NT5C1B: variants seen among roughly 807,000 people sequenced by gnomAD.
NT5C1B encodes the protein cytosolic 5'-nucleotidase 1B.
A neutral mutation model predicts 57.8 loss-of-function variants in NT5C1B; 44 were observed. The observed-to-expected ratio is 0.76, with a 90% confidence interval of 0.60 to 0.98. The LOEUF (loss-of-function observed/expected upper bound fraction) is 0.98. Ranked by LOEUF, NT5C1B falls within the 50% of genes least tolerant of loss-of-function variation. The probability of loss-of-function intolerance (pLI) is 0.00; values close to 1 mark genes in which losing one functional copy is unlikely to be tolerated. For synonymous variants in NT5C1B, 284 were observed against 282.6 expected (o/e 1.00, Z -0.05); for missense variants, 742 against 719.5 (o/e 1.03, Z -0.36).
At position 18,584,658 on chromosome 2, in the gene NT5C1B, G is replaced by GT; in HGVS notation, c.578dup (p.Tyr193Ter). The GT allele has an allele frequency of 1.2e-6, 2 of 1,613,158 alleles. No individual in the cohort carries two copies. The highest frequency in any genetic ancestry group is 1.7e-6 in the Non-Finnish European group (2 of 1,179,608). Residue 193 changes from tyrosine (Y) to a stop codon, truncating the protein, a stop_gained and frameshift_variant, in exon 4 of 9, where the codon TAC becomes TAAC. Transcript: ENST00000304081. LOFTEE classifies it high-confidence loss of function. This position sits in a 1 kb window ranked among gnomAD's most constrained non-coding sequence, Gnocchi z 5.8. ...TGCGGTCCAGCTGGGTGGAGGCGGG[G>GT]TAGATCCCCCTGCGCTGGCTGGAGG...
exon 2 of NT5C1B, chr2:18,587,551 T>G: frequency 6.2e-7 from 1 of 1,614,028 alleles, no homozygotes; most frequent in Middle Eastern, 1.6e-4. Context: ...TTCTTTTTTC[T>G]GCTTCTAGAC....
At chr2:18,576,095 A>C (rs79571484) in intron 8 of NT5C1B, 89 bp downstream of exon 8, 1 of 1,352,596 alleles carries the variant, frequency 7.4e-7, no homozygotes, top group African/African-American at 1.5e-5. Context: ...AGAATAACTT[A>C]AACATTCATC....
intron 3 of NT5C1B, chr2:18,585,197 C>G: frequency 1.3e-6 from 1 of 783,886 alleles, no homozygotes; most frequent in Non-Finnish European, 2.3e-6. Context: ...TCTCCCCTAG[C>G]TTCCCCATAA....
intron 8 of NT5C1B, among the ~76,000 whole-genome samples, chr2:18,571,890 C>A (rs1369314563): frequency 6.7e-6 from 1 of 149,762 alleles, no homozygotes; most frequent in Non-Finnish European, 1.5e-5. Context: ...GAGTTTGAGA[C>A]CAGCCTGGCC....
chr2:18,586,482 T>A, intron 2 of NT5C1B, 91 bp from the exon 3 acceptor site: 1 of 1,552,944 alleles, frequency 6.4e-7, no homozygotes, highest in East Asian at 2.3e-5. Flanking sequence ...TCAGGCTGAA[T>A]ATAGCAGCAC....
Position 18,584,939 on chromosome 2 carries a change from A to G in NT5C1B, c.298T>C (p.Ser100Pro). Reference sequence around the variant, plus strand: ...GGTGAGGAGTCATGCAGGCTTGGGGAGGTGGATGGAGTCCGGGAGCTCGTG... The same window carrying G: ...GGTGAGGAGTCATGCAGGCTTGGGGGGGTGGATGGAGTCCGGGAGCTCGTG... The change falls in exon 4 of 9, where the codon TCC (serine) becomes CCC (proline). Residue 100 changes from serine (S) to proline (P), a missense_variant. Ser to Pro is a moderately conservative substitution (Grantham distance 74). Coordinates refer to ENST00000304081, the Ensembl canonical transcript of NT5C1B. This position sits in a 1 kb window ranked among gnomAD's most constrained non-coding sequence, Gnocchi z 5.8. The G allele has an allele frequency of 1.3e-6, 2 of 1,537,014 alleles. No homozygotes were observed. Among genetic ancestry groups the G allele is most frequent in the Non-Finnish European group, 1.7e-6 (2 of 1,148,848 alleles).
At chr2:18,576,439 A>G in intron 7 of NT5C1B, 71 bp from the exon 8 acceptor site, 1 of 1,515,050 alleles carries the variant, frequency 6.6e-7, no homozygotes, top group Non-Finnish European at 8.8e-7. Flanking sequence ...ATTAAAAAAA[A>G]CAAATTCTCC....
chr2:18,577,598 A>G (rs180900422), intron 6 of NT5C1B, among the ~76,000 whole-genome samples: 9 of 152,204 alleles, frequency 5.9e-5, no homozygotes, highest in South Asian at 4.1e-4. Flanking sequence ...TCTCTGGGAC[A>G]TAGCTAAAAC....
At chr2:18,579,569 G>A (rs183514208) in intron 6 of NT5C1B, among the ~76,000 whole-genome samples, 141 of 152,238 alleles carry the variant, frequency 9.3e-4, no homozygotes, top group African/African-American at 3.2e-3. Context: ...AATGGTGCTG[G>A]GATAACTGGC....
chr2:18,580,885 C>T (rs947357550), intron 6 of NT5C1B, among the ~76,000 whole-genome samples: 1 of 152,118 alleles, frequency 6.6e-6, no homozygotes, highest in Non-Finnish European at 1.5e-5. Flanking sequence ...GGGAGCTAAA[C>T]ATTGAGTACA....
chr2:18,581,180 G>C (rs146707185), intron 6 of NT5C1B, among the ~76,000 whole-genome samples: 8 of 152,042 alleles, frequency 5.3e-5, no homozygotes, highest in Admixed American at 1.3e-4. Context: ...CATATACTAC[G>C]GGTAAAAGTG....
At chr2:18,589,274 G>C (rs6720633) in intron 1 of NT5C1B, among the ~76,000 whole-genome samples, 165 bp downstream of exon 1, 49,907 of 151,944 alleles carry the variant, frequency 0.33, 10,607 homozygotes, top group African/African-American at 0.61. Flanking sequence ...TCCCTTTTCT[G>C]TACTCTTTCC....
intron 8 of NT5C1B, among the ~76,000 whole-genome samples, chr2:18,574,484 A>G (rs776404879): frequency 2.0e-5 from 3 of 152,132 alleles, no homozygotes; most frequent in Non-Finnish European, 4.4e-5. Context: ...TGTTGAGTAT[A>G]TATCCAAAAG....
chr2:18,584,265 G>A lies in NT5C1B; in HGVS notation c.724-10C>T. On this transcript the variant is annotated splice_polypyrimidine_tract_variant and intron_variant, in intron 4 of 8. Transcript: ENST00000304081. This position sits in a 1 kb window ranked among gnomAD's most constrained non-coding sequence, Gnocchi z 5.8. ...CGTTCTTGGGTTTGGGCTGCAGAGAGGGACGCCAAAGGGAGGATAGTCACA... is the reference window on the plus strand; with the variant it reads ...CGTTCTTGGGTTTGGGCTGCAGAGAAGGACGCCAAAGGGAGGATAGTCACA... The A allele has an allele frequency of 1.2e-6, 2 of 1,612,046 alleles. No individual in the cohort carries two copies. The highest frequency in any genetic ancestry group is 1.7e-4 in the Middle Eastern group (1 of 6,050).
chr2:18,569,821 A>G (rs1338204119), intron 8 of NT5C1B, among the ~76,000 whole-genome samples: 3 of 152,078 alleles, frequency 2.0e-5, no homozygotes, highest in Non-Finnish European at 4.4e-5. Flanking sequence ...ATTACTGACA[A>G]TATAGAAAAC....
At chr2:18,586,230 AC>A (rs1438034401) in intron 3 of NT5C1B, 23 bp downstream of exon 3, 1 of 1,609,794 alleles carries the variant, frequency 6.2e-7, no homozygotes, top group Non-Finnish European at 8.5e-7. Flanking sequence ...ATCATCTACT[AC>A]TCCCTTTCAT....
chr2:18,571,853 G>T (rs1665221264), intron 8 of NT5C1B, among the ~76,000 whole-genome samples: 1 of 149,128 alleles, frequency 6.7e-6, no homozygotes, highest in South Asian at 2.1e-4. Flanking sequence ...TGTAATCCCA[G>T]CACTTTGGGA....
rs954758372 is a variant in NT5C1B at position 18,565,369 on chromosome 2, A to G, written c.1330-1250T>C. Among the ~76,000 whole-genome samples the G allele has an allele frequency of 4.6e-5, 7 of 152,296 alleles. No homozygotes were observed. In the East Asian group the frequency reaches 1.2e-3, roughly 25 times the overall value. ...GTCCTGTAGTACTGATTTTCTCAAA[A>G]ACATCTTATGGTAATAATCCCTGAG... is the stretch of plus-strand genomic sequence containing the variant. On this transcript the variant is annotated intron_variant, in intron 8 of 8. Coordinates refer to ENST00000304081, the Ensembl canonical transcript of NT5C1B.
chr2:18,564,453 G>T (rs73226354), intron 8 of NT5C1B, among the ~76,000 whole-genome samples: 4,608 of 152,246 alleles, frequency 0.03, 236 homozygotes, highest in African/African-American at 0.1. Flanking sequence ...GGAATAGAGG[G>T]TCACTCTAAA....
Sources: allele counts gnomAD v4.1 joint callset (sites outside exome capture counted in the v4.1 genomes callset), GRCh38; gene constraint gnomAD v4.1.1; non-coding constraint Gnocchi (gnomAD v3.1); transcripts MANE v1.5; gene names NCBI Gene and HGNC (gene_info 2026-07-23, HGNC 2026-07-21).